The following PAWR variants were observed in gnomAD, a reference collection of about 807,000 sequenced individuals.
The protein encoded by PAWR is pro-apoptotic WT1 regulator.
A neutral mutation model predicts 32.0 loss-of-function variants in PAWR; 23 were observed. The observed-to-expected ratio is 0.72, with a 90% CI of 0.52 to 1.02. PAWR has a LOEUF of 1.02. Among genes scored for constraint, PAWR ranks in the 50% least tolerant of loss-of-function variants. PAWR has a pLI of 0.00. For missense variants in PAWR, 457 were observed against 437.7 expected (o/e 1.04, Z -0.39); for synonymous variants, 226 against 187.1 (o/e 1.21, Z -1.70).
At chr12:79,606,074 AAAACAAAC>A (rs910026031) in intron 4 of PAWR, among the ~76,000 whole-genome samples, 9 of 152,152 alleles carry the variant, frequency 5.9e-5, no homozygotes, top group African/African-American at 2.2e-4. Context: ...ACTCTGCCTA[AAAACAAAC>A]AAACAAACAA....
In PAWR at chr12:79,632,326, TATATA is replaced by T. The variant is rs1875701576; in HGVS notation, c.517-11124_517-11120del. Among the ~76,000 whole-genome samples the T allele has an allele frequency of 1.2e-4, 4 of 33,320 alleles. 1 individual carries two copies. Among genetic ancestry groups the T allele is most frequent in the Non-Finnish European group, 1.7e-4 (4 of 23,192 alleles). The allele number at this position is 33,320 out of a possible 152,430, so 21.9% of individuals were successfully genotyped here. ...ATATATACATACATATATATATATA[TATATA>T]TATATATATATATATATATATATAT... On this transcript the variant is annotated intron_variant, in intron 2 of 6. Coordinates refer to ENST00000328827, the MANE Select transcript of PAWR (RefSeq NM_002583.4).
chr12:79,663,068 CACA>C (rs1468391704), intron 2 of PAWR, among the ~76,000 whole-genome samples: 2 of 152,284 alleles, frequency 1.3e-5, no homozygotes, highest in East Asian at 1.9e-4. Context: ...CCTAATTTTA[CACA>C]ACAAGTAACT....
intron 2 of PAWR, among the ~76,000 whole-genome samples, chr12:79,661,248 C>CAAAAAAAAAAAAAAAAAAAAAA: frequency 1.4e-5 from 1 of 71,462 alleles, no homozygotes; most frequent in Non-Finnish European, 3.4e-5. Flanking sequence ...GACTCTGTCT[C>CAAAAAAAAAAAAAAAAAAAAAA]AAAAAAAAAA....
At chr12:79,679,547 G>A (rs1169399195) in intron 2 of PAWR, among the ~76,000 whole-genome samples, 3 of 152,158 alleles carry the variant, frequency 2.0e-5, no homozygotes, top group Non-Finnish European at 2.9e-5. Flanking sequence ...GCAAAATTAA[G>A]GGAACATTTC....
chr12:79,617,181 G>C (rs1438296126), intron 3 of PAWR, among the ~76,000 whole-genome samples: 2 of 152,072 alleles, frequency 1.3e-5, no homozygotes, highest in Non-Finnish European at 2.9e-5. Context: ...GTGAAACCCT[G>C]TCTCTACTAA....
At chr12:79,623,476 T>C (rs1875127099) in intron 2 of PAWR, among the ~76,000 whole-genome samples, 1 of 150,570 alleles carries the variant, frequency 6.6e-6, no homozygotes, top group Non-Finnish European at 1.5e-5. Flanking sequence ...GGAAATGATT[T>C]TGTAAAAAAC....
At chr12:79,639,906 CATTCCATTCT>C (rs1469513075) in intron 2 of PAWR, among the ~76,000 whole-genome samples, 3 of 127,102 alleles carry the variant, frequency 2.4e-5, no homozygotes, top group Non-Finnish European at 4.5e-5. Context: ...CATTCCATTC[CATTCCATTCT>C]ATTCTAGAGA....
At chr12:79,596,182 G>T (rs751928244) in intron 5 of PAWR, among the ~76,000 whole-genome samples, 5 of 152,096 alleles carry the variant, frequency 3.3e-5, no homozygotes, top group Non-Finnish European at 7.4e-5. Context: ...TGCACTGAAA[G>T]ACACTTTTAA....
chr12:79,687,034 C>T (rs1391556173), intron 2 of PAWR, among the ~76,000 whole-genome samples: 1 of 152,104 alleles, frequency 6.6e-6, no homozygotes, highest in Non-Finnish European at 1.5e-5. Flanking sequence ...AAATTACTGG[C>T]AAGAAGTATG....
chr12:79,628,980 A>C (rs968504153), intron 2 of PAWR, among the ~76,000 whole-genome samples: 4 of 152,142 alleles, frequency 2.6e-5, no homozygotes, highest in African/African-American at 9.6e-5. Context: ...ATATATATAG[A>C]TATTTAACCC....
rs535056702 is a variant in PAWR at position 79,625,538 on chromosome 12, G to A, written c.517-4331C>T. ...AAATTAAAATTTAAAAAGTAACAGA[G>A]GGGCCGGGCGTGGTGGCTCACGCCT... is the stretch of plus-strand genomic sequence containing the variant. On this transcript the variant is annotated intron_variant, in intron 2 of 6. Transcript: ENST00000328827. Among the ~76,000 whole-genome samples, 4 of 152,186 alleles carry A rather than the reference G, an allele frequency of 2.6e-5. No homozygotes were observed. The East Asian group carries it at 7.7e-4, about 29-fold the overall frequency.
chr12:79,690,063 G>C lies in PAWR; in HGVS notation c.182C>G (p.Pro61Arg). The part of the protein sequence containing the change: ...GKPPAGALGT[P>R]AAAAANELNN... ...GAGCTCGTTGGCAGCGGCGGCCGCC[G>C]GGGTGCCCAGAGCCCCCGCGGGGGG... is the stretch of plus-strand genomic sequence containing the variant. Residue 61 changes from proline to arginine, a missense_variant, in exon 2 of 7, where the codon CCG becomes CGG. By Grantham distance (103) the Pro-to-Arg change is moderately radical. Transcript: ENST00000328827. 7.3e-7 allele frequency: 1 copy of C among 1,374,484 alleles called. No homozygotes were observed. Among genetic ancestry groups the C allele is most frequent in the Non-Finnish European group, 9.3e-7 (1 of 1,074,242 alleles). The allele number at this position is 1,374,484 out of a possible 1,614,324, so 85.1% of individuals were successfully genotyped here.
At chr12:79,608,401 T>A (rs1369710195) in intron 4 of PAWR, among the ~76,000 whole-genome samples, 1 of 152,148 alleles carries the variant, frequency 6.6e-6, no homozygotes, top group Non-Finnish European at 1.5e-5. Flanking sequence ...GTCCCTCGCA[T>A]GAACAGTTCA....
intron 2 of PAWR, among the ~76,000 whole-genome samples, chr12:79,644,441 G>A (rs1311695444): frequency 1.3e-5 from 2 of 152,056 alleles, no homozygotes; most frequent in South Asian, 2.1e-4. Flanking sequence ...TTCAAAACAC[G>A]TTACTGTTGA....
chr12:79,609,341 G>C (rs1168194267), intron 4 of PAWR, among the ~76,000 whole-genome samples: 1 of 152,150 alleles, frequency 6.6e-6, no homozygotes, highest in Non-Finnish European at 1.5e-5. Context: ...AATTAGACTG[G>C]AAGTTGTAAC....
At chr12:79,639,833 C>CTTTCCT (rs1313531485) in intron 2 of PAWR, among the ~76,000 whole-genome samples, 1 of 127,506 alleles carries the variant, frequency 7.8e-6, no homozygotes, top group Admixed American at 7.4e-5. Flanking sequence ...TTTCCTTTTC[C>CTTTCCT]ATTCCTATTC....
At chr12:79,649,710 G>T (rs1169008958) in intron 2 of PAWR, among the ~76,000 whole-genome samples, 2 of 152,120 alleles carry the variant, frequency 1.3e-5, no homozygotes, top group Non-Finnish European at 2.9e-5. Context: ...AGGATGGTTT[G>T]AGCCCAGGAT....
chr12:79,617,857 C>A (rs1269010361), intron 3 of PAWR, among the ~76,000 whole-genome samples: 1 of 152,048 alleles, frequency 6.6e-6, no homozygotes, highest in Non-Finnish European at 1.5e-5. Flanking sequence ...CCAATGAGAT[C>A]TGGTTAAGAG....
chr12:79,639,881 T>TATTCCTATTCCTATTCCCATTCCCATTCC lies in PAWR; in HGVS notation c.517-18675_517-18674insGGAATGGGAATGGGAATAGGAATAGGAAT. Among the ~76,000 whole-genome samples the TATTCCTATTCCTATTCCCATTCCCATTCC allele has an allele frequency of 7.7e-4, 87 of 112,540 alleles. 3 individuals carry two copies. The highest frequency in any genetic ancestry group is 4.2e-3 in the African/African-American group (83 of 19,788). 73.8% of individuals were successfully genotyped at this position (112,540 alleles called of 152,430 possible). ...CTATTCCTATTCCTATTCCTATTCC[T>TATTCCTATTCCTATTCCCATTCCCATTCC]ATTCCATTCCATTCCATTCCATTCC... On this transcript the variant is annotated intron_variant, in intron 2 of 6. Coordinates refer to ENST00000328827, the MANE Select transcript of PAWR (RefSeq NM_002583.4).
Sources: allele counts gnomAD v4.1 joint callset (sites outside exome capture counted in the v4.1 genomes callset), GRCh38; gene constraint gnomAD v4.1.1; transcripts MANE v1.5; gene names NCBI Gene and HGNC (gene_info 2026-07-23, HGNC 2026-07-21).